Variants in SPAG16 observed in about 807,000 individuals in gnomAD.
The protein encoded by SPAG16 is sperm-associated antigen 16 protein.
In SPAG16, 86 loss-of-function variants were observed where a neutral mutation model predicts 80.4. The observed-to-expected ratio is 1.07, with a 90% CI of 0.90 to 1.28. SPAG16 has a LOEUF of 1.28. Among genes scored for constraint, SPAG16 ranks in the 50% most tolerant of loss-of-function variants. SPAG16 has a pLI of 0.00. For synonymous variants in SPAG16, 294 were observed against 265.9 expected (o/e 1.11, Z -1.03); for missense variants, 870 against 765.3 (o/e 1.14, Z -1.61).
chr2:213,990,957 T>C (rs1215779112), intron 12 of SPAG16, among the ~76,000 whole-genome samples: 1 of 152,274 alleles, frequency 6.6e-6, no homozygotes, highest in Non-Finnish European at 1.5e-5. Flanking sequence ...TGGCAGCAGG[T>C]ATAGGTCTCC....
At chr2:213,285,782 C>A in intron 1 of SPAG16, 1 of 621,094 alleles carries the variant, frequency 1.6e-6, no homozygotes. Context: ...TATATGGGTG[C>A]TTTAGTGTCA....
chr2:213,774,830 A>G (rs1209622240), intron 10 of SPAG16, among the ~76,000 whole-genome samples: 1 of 152,172 alleles, frequency 6.6e-6, no homozygotes, highest in Admixed American at 6.6e-5. Flanking sequence ...TTGAAGCTTT[A>G]GTTAGATTCA....
intron 15 of SPAG16, among the ~76,000 whole-genome samples, chr2:214,171,899 A>G (rs1186128850): frequency 6.6e-6 from 1 of 151,952 alleles, no homozygotes; most frequent in East Asian, 1.9e-4. Context: ...GAGATTTACA[A>G]CATGATGTAT....
At chr2:213,666,336 T>C (rs1270942571) in intron 10 of SPAG16, among the ~76,000 whole-genome samples, 1 of 152,114 alleles carries the variant, frequency 6.6e-6, no homozygotes, top group African/African-American at 2.4e-5. Context: ...AATACTATCA[T>C]TCCCCCCTTT....
intron 12 of SPAG16, among the ~76,000 whole-genome samples, chr2:213,978,109 G>A (rs1374078160): frequency 6.6e-6 from 1 of 151,588 alleles, no homozygotes; most frequent in African/African-American, 2.4e-5. Context: ...GGCTTTTAGA[G>A]TCACGTCATT....
intron 3 of SPAG16, among the ~76,000 whole-genome samples, chr2:213,304,053 G>A (rs2062849014): frequency 6.6e-6 from 1 of 151,798 alleles, no homozygotes; most frequent in Non-Finnish European, 1.5e-5. Context: ...TTCATTATTG[G>A]CTATCTTTCA....
chr2:214,126,288 A>G (rs1272684840), intron 14 of SPAG16, among the ~76,000 whole-genome samples: 1 of 150,912 alleles, frequency 6.6e-6, no homozygotes, highest in Non-Finnish European at 1.5e-5. Context: ...AGGGAAGAGG[A>G]GTTCTGGTTT....
rs10585217 is a variant in SPAG16, at chr2:213,361,789, C to CCACACACACACA, written c.763-2258_763-2247dup. On this transcript the variant is annotated intron_variant, in intron 7 of 15. Transcript: ENST00000331683. ...GATTTGGATATTCAGACTGATAATG[C>CCACACACACACA]CACACACACACACACACACACACAC... Among the ~76,000 whole-genome samples, 416 of 140,088 alleles carry CCACACACACACA rather than the reference C, an allele frequency of 3.0e-3. 4 individuals carry two copies. Among genetic ancestry groups the CCACACACACACA allele is most frequent in the East Asian group, 0.01 (48 of 4,774 alleles). 91.9% of individuals were successfully genotyped at this position (140,088 alleles called of 152,430 possible). A position where few individuals can be genotyped will look rare whatever the true frequency, so the allele number is the denominator to read the frequency against.
intron 10 of SPAG16, among the ~76,000 whole-genome samples, chr2:213,759,155 C>G (rs1023564757): frequency 1.3e-5 from 2 of 152,120 alleles, no homozygotes; most frequent in African/African-American, 4.8e-5. Flanking sequence ...TTGGACCTGA[C>G]TTGCAAGAAA....
intron 13 of SPAG16, among the ~76,000 whole-genome samples, chr2:214,097,615 G>A (rs931247429): frequency 1.3e-5 from 2 of 151,932 alleles, no homozygotes; most frequent in Non-Finnish European, 2.9e-5. Context: ...GAGGTCATGT[G>A]GTTAGGAAAG....
rs575952410 is a variant in SPAG16, at chr2:214,178,343, G to A, written c.1720+29077G>A. ...TATATTATGTAGTTTGTGAAATAAT[G>A]AAAGTGAGGGTAATCAATGTGAAAA... is the stretch of plus-strand genomic sequence containing the variant. On this transcript the variant is annotated intron_variant, in intron 15 of 15. Transcript: ENST00000331683. Among the ~76,000 whole-genome samples, 209 of 151,082 alleles carry A rather than the reference G, an allele frequency of 1.4e-3. 2 individuals are homozygous for A. Among genetic ancestry groups the A allele is most frequent in the African/African-American group, 4.7e-3 (195 of 41,384 alleles).
chr2:213,393,862 G>A (rs114470107), intron 9 of SPAG16, among the ~76,000 whole-genome samples: 2,260 of 151,984 alleles, frequency 0.015, 28 homozygotes, highest in South Asian at 0.038. Flanking sequence ...TAAATTGAAC[G>A]TGTTCTTTTT....
intron 14 of SPAG16, among the ~76,000 whole-genome samples, chr2:214,136,050 G>A (rs1336061799): frequency 6.6e-6 from 1 of 152,114 alleles, no homozygotes; most frequent in Non-Finnish European, 1.5e-5. Context: ...GAGAAGGGGA[G>A]TGTAGCTGTC....
intron 13 of SPAG16, among the ~76,000 whole-genome samples, chr2:214,082,549 T>C (rs1181708947): frequency 6.6e-6 from 1 of 152,186 alleles, no homozygotes; most frequent in East Asian, 1.9e-4. Flanking sequence ...CATCTTTCTG[T>C]CTTCAGGACA....
At chr2:214,307,445 T>A (rs1025252486) in intron 15 of SPAG16, among the ~76,000 whole-genome samples, 2 of 152,128 alleles carry the variant, frequency 1.3e-5, no homozygotes, top group African/African-American at 4.8e-5. Flanking sequence ...AGGATTTGTT[T>A]GCCCTTGTTT....
chr2:213,631,001 G>T (rs2062130518), intron 10 of SPAG16, among the ~76,000 whole-genome samples: 1 of 152,150 alleles, frequency 6.6e-6, no homozygotes, highest in African/African-American at 2.4e-5. Context: ...TTACTCTTAG[G>T]AGGTGCCCTG....
chr2:214,084,294 G>T (rs2051573029), intron 13 of SPAG16, among the ~76,000 whole-genome samples: 1 of 151,946 alleles, frequency 6.6e-6, no homozygotes, highest in African/African-American at 2.4e-5. Flanking sequence ...TAAGGGCATG[G>T]TCATAACAAA....
intron 9 of SPAG16, among the ~76,000 whole-genome samples, chr2:213,427,666 A>G (rs1175072167): frequency 6.6e-6 from 1 of 152,198 alleles, no homozygotes; most frequent in Non-Finnish European, 1.5e-5. Context: ...AGAGAAAATG[A>G]TCTTTATCTA....
intron 10 of SPAG16, among the ~76,000 whole-genome samples, chr2:213,593,606 A>G (rs1307447778): frequency 6.6e-6 from 1 of 151,794 alleles, no homozygotes; most frequent in African/African-American, 2.4e-5. Context: ...CTGGTTTGCC[A>G]GTTTGATTGC....
Sources: allele counts gnomAD v4.1 joint callset (sites outside exome capture counted in the v4.1 genomes callset), GRCh38; gene constraint gnomAD v4.1.1; transcripts MANE v1.5; gene names NCBI Gene and HGNC (gene_info 2026-07-23, HGNC 2026-07-21).